Variants in NCKAP5 observed in about 807,000 individuals in gnomAD.
The protein encoded by NCKAP5 is NCK associated protein 5.
NCKAP5 carries 92 observed loss-of-function variants against 167.0 expected under a neutral mutation model. The ratio of observed to expected loss-of-function variants is 0.55; its 90% CI spans 0.47 to 0.66. The LOEUF (loss-of-function observed/expected upper bound fraction) is 0.66, where lower values mean the gene tolerates loss of function less well. Among genes scored for constraint, NCKAP5 ranks in the 30% least tolerant of loss-of-function variants. NCKAP5 has a pLI of 0.00. For missense variants in NCKAP5, 2,378 were observed against 2,315.0 expected (o/e 1.03, Z -0.56); for synonymous variants, 891 against 877.4 (o/e 1.02, Z -0.27).
chr2:132,940,369 C>T (rs969327752), intron 8 of NCKAP5, among the ~76,000 whole-genome samples: 1 of 152,150 alleles, frequency 6.6e-6, no homozygotes, highest in Admixed American at 6.5e-5. Flanking sequence ...GCTCAGGGAA[C>T]ACTGGGCCCT....
chr2:133,253,560 TTCA>T (rs2088461703), intron 4 of NCKAP5, among the ~76,000 whole-genome samples: 1 of 152,230 alleles, frequency 6.6e-6, no homozygotes, highest in South Asian at 2.1e-4. Context: ...CACCCCCCGT[TTCA>T]TCATATTTAT....
chr2:133,091,280 T>C (rs1466644064), intron 6 of NCKAP5, among the ~76,000 whole-genome samples: 1 of 152,190 alleles, frequency 6.6e-6, no homozygotes, highest in African/African-American at 2.4e-5. Context: ...AGCCTATGGA[T>C]CTTAGCTTGA....
intron 8 of NCKAP5, among the ~76,000 whole-genome samples, chr2:132,897,170 T>C (rs1206860621): frequency 1.3e-5 from 2 of 152,210 alleles, no homozygotes; most frequent in African/African-American, 4.8e-5. Flanking sequence ...TTTCCTTGAT[T>C]CCATGAGAGG....
intron 6 of NCKAP5, among the ~76,000 whole-genome samples, chr2:133,032,371 T>C (rs550165292): frequency 2.6e-4 from 39 of 152,250 alleles, no homozygotes; most frequent in African/African-American, 9.1e-4. Context: ...GTGAGGCTCC[T>C]ATGGATTTGG....
At chr2:133,597,862 A>G in the NCKAP5 span, among the ~76,000 whole-genome samples, 2 of 152,032 alleles carry the variant, frequency 1.3e-5, no homozygotes, top group South Asian at 4.2e-4. Flanking sequence ...CTCTCCTCCC[A>G]GCCTGTGCCC....
At chr2:133,429,835 C>T (rs1313592504) in intron 3 of NCKAP5, among the ~76,000 whole-genome samples, 1 of 152,056 alleles carries the variant, frequency 6.6e-6, no homozygotes, top group African/African-American at 2.4e-5. Flanking sequence ...TAGGTATATA[C>T]CCAATAATGG....
chr2:133,538,992 G>T (rs2104872996), intron 2 of NCKAP5, among the ~76,000 whole-genome samples: 1 of 139,756 alleles, frequency 7.2e-6, no homozygotes, highest in East Asian at 2.1e-4. Context: ...CCAGGCTGGA[G>T]TGCAGTGGCG....
At chr2:132,978,783 T>C (rs2077049484) in intron 7 of NCKAP5, among the ~76,000 whole-genome samples, 1 of 152,204 alleles carries the variant, frequency 6.6e-6, no homozygotes, top group South Asian at 2.1e-4. Flanking sequence ...TCCTCGTCTC[T>C]AAGATCCTGG....
intron 11 of NCKAP5, among the ~76,000 whole-genome samples, chr2:132,851,334 T>A (rs1244762770): frequency 1.3e-5 from 2 of 152,180 alleles, no homozygotes; most frequent in East Asian, 3.9e-4. Flanking sequence ...TGCCTTTGAA[T>A]CTGGCCCAAC....
At chr2:133,083,935 GAAC>G (rs2080897009) in intron 6 of NCKAP5, among the ~76,000 whole-genome samples, 1 of 152,132 alleles carries the variant, frequency 6.6e-6, no homozygotes, top group Non-Finnish European at 1.5e-5. Flanking sequence ...ATATATAAAA[GAAC>G]AACTCTGGTG....
At chr2:132,776,430 C>T (rs1025388) in intron 15 of NCKAP5, among the ~76,000 whole-genome samples, 94,820 of 152,058 alleles carry the variant, frequency 0.62, 30,956 homozygotes, top group East Asian at 0.87. Context: ...ATTCCAGGGC[C>T]TTATGTGCTT....
intron 7 of NCKAP5, among the ~76,000 whole-genome samples, chr2:132,967,162 TAC>T (rs149896546): frequency 0.092 from 13,034 of 141,500 alleles, 526 homozygotes; most frequent in Middle Eastern, 0.16. Context: ...TGCCCTATCG[TAC>T]ACACACACAC....
intron 3 of NCKAP5, among the ~76,000 whole-genome samples, chr2:133,514,782 A>C (rs897618564): frequency 6.6e-6 from 1 of 152,198 alleles, no homozygotes; most frequent in Non-Finnish European, 1.5e-5. Flanking sequence ...ATAATGAAAG[A>C]TAAAGAACTT....
At chr2:133,580,892 C>T in the NCKAP5 span, among the ~76,000 whole-genome samples, 81 of 152,074 alleles carry the variant, frequency 5.3e-4, no homozygotes, top group Non-Finnish European at 3.7e-4. Context: ...AGGAGAGTTT[C>T]GGAAATGAAT....
At chr2:132,673,435 A>C in intron 19 of NCKAP5, 130 bp from the exon 20 acceptor site, 6 of 672,360 alleles carry the variant, frequency 8.9e-6, no homozygotes, top group Non-Finnish European at 1.1e-5. Context: ...GTCTTTAATA[A>C]TCTTCTAGTA....
chr2:133,179,539 T>C (rs1040088848), intron 5 of NCKAP5, among the ~76,000 whole-genome samples: 10 of 152,212 alleles, frequency 6.6e-5, no homozygotes, highest in Admixed American at 6.5e-4. Context: ...AATTATCTGA[T>C]GCAGATTTTA....
In NCKAP5 at chr2:132,971,729, C is replaced by T. The variant is rs76287443; in HGVS notation, c.430-7860G>A. Among the ~76,000 whole-genome samples, 1,359 of 152,280 alleles carry T rather than the reference C, an allele frequency of 8.9e-3. 12 individuals are homozygous for T. The highest frequency in any genetic ancestry group is 0.032 in the African/African-American group (1,313 of 41,574). The stretch of plus-strand genomic sequence containing the variant: ...ATGTACTTCCTCTAACAGTGACAAG[C>T]AACATTTCCTTATTTCAATGTTTCT... On this transcript the variant is annotated intron_variant, in intron 7 of 19. Coordinates refer to ENST00000409261, the MANE Select transcript of NCKAP5 (RefSeq NM_207363.3).
At chr2:132,764,896 T>A (rs1400528698) in intron 16 of NCKAP5, among the ~76,000 whole-genome samples, 2 of 152,242 alleles carry the variant, frequency 1.3e-5, no homozygotes, top group Non-Finnish European at 2.9e-5. Context: ...TTCTTCTACA[T>A]TAAATTTCTA....
chr2:133,108,250 G>A (rs921756054), intron 6 of NCKAP5, among the ~76,000 whole-genome samples: 2 of 152,150 alleles, frequency 1.3e-5, no homozygotes, highest in Admixed American at 6.5e-5. Context: ...CAAGACAACA[G>A]GCATTCCAGA....
Sources: allele counts gnomAD v4.1 joint callset (sites outside exome capture counted in the v4.1 genomes callset), GRCh38; gene constraint gnomAD v4.1.1; transcripts MANE v1.5; gene names NCBI Gene and HGNC (gene_info 2026-07-23, HGNC 2026-07-21).